The following ADGRL2 variants were observed in gnomAD, a reference collection of about 807,000 sequenced individuals.
ADGRL2 encodes calcium-independent alpha-latrotoxin receptor 2.
Under a neutral mutation model 157.4 loss-of-function variants are expected in ADGRL2, and 44 were observed. That is an observed-to-expected ratio of 0.28 (90% CI 0.22 to 0.36). The LOEUF (loss-of-function observed/expected upper bound fraction) is 0.36. Ranked by LOEUF, ADGRL2 falls within the 10% of genes least tolerant of loss-of-function variation. ADGRL2 has a pLI of 1.00. For missense variants in ADGRL2, 1,510 were observed against 1,768.9 expected (o/e 0.85, Z 2.63); for synonymous variants, 585 against 624.7 (o/e 0.94, Z 0.95).
Position 81,990,504 on chromosome 1 carries a change from G to T in ADGRL2, c.3769G>T (p.Val1257Phe). The change falls in exon 24 of 24, where the codon GTT becomes TTT. Residue 1257 changes from valine (V) to phenylalanine (F), a missense_variant. By Grantham distance (50) the Val-to-Phe change is conservative (BLOSUM62 -1). This residue lies in a region of ADGRL2 where 327 missense variants were observed against 310.1 expected (regional missense o/e 1.05). Transcript: ENST00000686636. ...GGGTGACTATAATGACAGCGTGCAA[G>T]TTGTGGACTGTGGACTAAGTCTGAA... ...HKGDYNDSVQVVDCGLSLNDT... is the reference protein window; with the variant it reads ...HKGDYNDSVQFVDCGLSLNDT... 6.2e-7 allele frequency: 1 copy of T among 1,614,126 alleles called. No individual in the cohort carries two copies. Among genetic ancestry groups the T allele is most frequent in the Middle Eastern group, 1.6e-4 (1 of 6,062 alleles).
At chr1:81,603,378 T>G (rs1419523602) in intron 3 of ADGRL2, among the ~76,000 whole-genome samples, 1 of 152,180 alleles carries the variant, frequency 6.6e-6, no homozygotes, top group African/African-American at 2.4e-5. Flanking sequence ...TGCATGTGTG[T>G]GTGATGATAC....
At chr1:81,763,046 TAAAAAAAA>T (rs748864220) in intron 2 of ADGRL2, among the ~76,000 whole-genome samples, 2 of 73,768 alleles carry the variant, frequency 2.7e-5, no homozygotes, top group Non-Finnish European at 4.9e-5. Flanking sequence ...AGACTCCGTC[TAAAAAAAA>T]AAAAAAAAAA....
At chr1:81,372,270 C>A (rs956096082) in intron 1 of ADGRL2, among the ~76,000 whole-genome samples, 1 of 152,062 alleles carries the variant, frequency 6.6e-6, no homozygotes, top group Non-Finnish European at 1.5e-5. Flanking sequence ...AAAAAGTGAA[C>A]AAAAGTCTTC....
At chr1:81,359,446 A>G (rs2100899714) in intron 1 of ADGRL2, among the ~76,000 whole-genome samples, 1 of 152,126 alleles carries the variant, frequency 6.6e-6, no homozygotes, top group East Asian at 1.9e-4. Flanking sequence ...AACAGGAGGC[A>G]AAACTACCTT....
intron 2 of ADGRL2, among the ~76,000 whole-genome samples, chr1:81,838,103 C>G (rs1230965230): frequency 3.3e-5 from 5 of 151,942 alleles, no homozygotes. Context: ...AAGGGGCATA[C>G]TGTCAACTAA....
chr1:81,674,229 G>A (rs114509425), intron 3 of ADGRL2, among the ~76,000 whole-genome samples: 2,720 of 152,254 alleles, frequency 0.018, 33 homozygotes, highest in Middle Eastern at 0.051. Flanking sequence ...CCAGTTCTAG[G>A]ACTTAGTAGT....
chr1:81,340,839 A>G (rs1250161014), intron 1 of ADGRL2, among the ~76,000 whole-genome samples: 2 of 152,152 alleles, frequency 1.3e-5, no homozygotes, highest in Admixed American at 6.5e-5. Flanking sequence ...GTTGATGCCC[A>G]ATAAATTCAA....
intron 2 of ADGRL2, among the ~76,000 whole-genome samples, chr1:81,487,518 G>A (rs12095421): frequency 0.029 from 4,372 of 151,964 alleles, 179 homozygotes; most frequent in African/African-American, 0.083. Flanking sequence ...GATGGTGGGC[G>A]CATATAATCC....
intron 2 of ADGRL2, among the ~76,000 whole-genome samples, chr1:81,864,292 A>G (rs553298838): frequency 6.2e-5 from 4 of 64,030 alleles, no homozygotes; most frequent in Admixed American, 4.2e-4. Flanking sequence ...GTGCCAAGTC[A>G]TGTGTCTGAA....
intron 2 of ADGRL2, among the ~76,000 whole-genome samples, chr1:81,781,467 T>C (rs2086809420): frequency 1.3e-5 from 2 of 152,180 alleles, no homozygotes; most frequent in African/African-American, 2.4e-5. Context: ...ATGAGATCTG[T>C]AGCTAAACAG....
intron 1 of ADGRL2, among the ~76,000 whole-genome samples, chr1:81,729,300 CAA>C (rs1215063714): frequency 2.0e-5 from 3 of 152,022 alleles, no homozygotes; most frequent in Non-Finnish European, 4.4e-5. Context: ...TTTGATTCCA[CAA>C]AAACAATTTT....
intron 3 of ADGRL2, chr1:81,596,234 C>A (rs1299729289): frequency 1.6e-5 from 9 of 579,052 alleles, no homozygotes; most frequent in African/African-American, 1.3e-4. Flanking sequence ...AAGGACTGTG[C>A]AAGTCAATGA....
intron 3 of ADGRL2, among the ~76,000 whole-genome samples, chr1:81,636,193 T>C (rs1459282254): frequency 3.3e-5 from 5 of 152,134 alleles, no homozygotes; most frequent in African/African-American, 1.2e-4. Flanking sequence ...TATTTACATA[T>C]CCAAGAAGCA....
chr1:81,746,800 T>G (rs1407488439), intron 1 of ADGRL2, among the ~76,000 whole-genome samples: 1 of 151,466 alleles, frequency 6.6e-6, no homozygotes, highest in East Asian at 1.9e-4. Context: ...CATTATTCTC[T>G]CTGAGAATTA....
At chr1:81,736,041 G>T (rs532692059) in intron 1 of ADGRL2, among the ~76,000 whole-genome samples, 4 of 151,630 alleles carry the variant, frequency 2.6e-5, no homozygotes, top group African/African-American at 9.7e-5. Flanking sequence ...TACTAGGGAG[G>T]CTGAGGCAGG....
intron 1 of ADGRL2, among the ~76,000 whole-genome samples, chr1:81,358,539 C>G (rs1269426348): frequency 6.6e-6 from 1 of 152,062 alleles, no homozygotes; most frequent in Non-Finnish European, 1.5e-5. Flanking sequence ...TGTGTTCTTT[C>G]ATTTCTTCAG....
intron 2 of ADGRL2, among the ~76,000 whole-genome samples, chr1:81,842,272 CA>C (rs2092614819): frequency 2.7e-5 from 4 of 150,082 alleles, no homozygotes; most frequent in Admixed American, 2.7e-4. Flanking sequence ...TGTTTCTTTG[CA>C]GATTGTTCTT....
chr1:81,868,286 A>G (rs895039531), intron 2 of ADGRL2, among the ~76,000 whole-genome samples: 2 of 152,234 alleles, frequency 1.3e-5, no homozygotes, highest in Admixed American at 6.6e-5. Context: ...CAAATAGGGT[A>G]TGTTCTACAA....
chr1:81,942,176 AG>A lies in ADGRL2; in HGVS notation c.409+133del, dbSNP rs1572259486. ...AGGATCTCATAAATGCCACCTCATA[AG>A]GAAGTCAACTGTTTACAATGAAATT... On this transcript the variant is annotated intron_variant, in intron 5 of 23. Coordinates refer to ENST00000686636, the MANE Select transcript of ADGRL2 (RefSeq NM_001366006.2). The A allele has an allele frequency of 6.4e-6, 3 of 467,524 alleles. No homozygotes were observed. The East Asian group carries it at 9.9e-5, about 16-fold the overall frequency. The allele number at this position is 467,524 out of a possible 1,614,324, so 29.0% of individuals were successfully genotyped here.
Sources: gnomAD v4.1 joint callset for allele counts (sites outside exome capture counted in the v4.1 genomes callset) on GRCh38, gnomAD v4.1.1 for gene constraint, gnomAD v4.1.1 regional missense constraint, MANE v1.5 for transcripts, NCBI Gene and HGNC (gene_info 2026-07-23, HGNC 2026-07-21) for gene names.